LUZP2: variants seen among roughly 807,000 people sequenced by gnomAD.
The protein encoded by LUZP2 is leucine zipper protein 2.
Under a neutral mutation model 51.6 loss-of-function variants are expected in LUZP2, and 52 were observed. The observed-to-expected ratio is 1.01, with a 90% CI of 0.81 to 1.27. The LOEUF is 1.27. Ranked by LOEUF, LUZP2 falls within the 50% of genes most tolerant of loss-of-function variation. The pLI is 0.00. For synonymous variants in LUZP2, 154 were observed against 137.3 expected (o/e 1.12, Z -0.85); for missense variants, 436 against 395.4 (o/e 1.10, Z -0.87).
At chr11:24,997,726 TTTC>T (rs1346593893) in intron 9 of LUZP2, among the ~76,000 whole-genome samples, 12 of 152,106 alleles carry the variant, frequency 7.9e-5, no homozygotes, top group Admixed American at 2.6e-4. Flanking sequence ...ATGCCTAGGT[TTTC>T]TTCTAGGGTT....
At chr11:24,758,928 AAG>A (rs1859874544) in intron 4 of LUZP2, among the ~76,000 whole-genome samples, 2 of 152,110 alleles carry the variant, frequency 1.3e-5, no homozygotes, top group Non-Finnish European at 2.9e-5. Context: ...AATATGAAAA[AAG>A]ATGTATATCT....
At position 24,611,059 on chromosome 11, in the gene LUZP2, T is replaced by A. The variant is rs542061325; in HGVS notation, c.62+113754T>A. On this transcript the variant is annotated intron_variant, in intron 1 of 11. Coordinates refer to ENST00000336930, the MANE Select transcript of LUZP2 (RefSeq NM_001009909.4). This position sits in a 1 kb window ranked among gnomAD's most constrained non-coding sequence, Gnocchi z 4.6. Reference sequence around the variant, plus strand: ...TACCTTACATGACATAGCTTTGTTTTTTTTTATTTTTATTTTTTGTTTTGT... The same window carrying A: ...TACCTTACATGACATAGCTTTGTTTATTTTTATTTTTATTTTTTGTTTTGT... Among the ~76,000 whole-genome samples the A allele has an allele frequency of 2.0e-5, 3 of 152,238 alleles. No homozygotes were observed. The highest frequency in any genetic ancestry group is 1.9e-4 in the East Asian group (1 of 5,192).
chr11:24,640,293 T>C (rs1855236306), intron 1 of LUZP2, among the ~76,000 whole-genome samples: 1 of 151,942 alleles, frequency 6.6e-6, no homozygotes, highest in African/African-American at 2.4e-5. Context: ...TGGTCGTTAC[T>C]AACTATGTAA....
At chr11:24,603,453 A>G (rs1263301264) in intron 1 of LUZP2, among the ~76,000 whole-genome samples, 1 of 151,850 alleles carries the variant, frequency 6.6e-6, no homozygotes, top group Non-Finnish European at 1.5e-5. Context: ...CATCCAAGTG[A>G]GAACCAGAAA....
At chr11:24,619,008 ATTTATTTATTTAT>A (rs1412671654) in intron 1 of LUZP2, among the ~76,000 whole-genome samples, 11 of 76,872 alleles carry the variant, frequency 1.4e-4, no homozygotes, top group Middle Eastern at 5.6e-3. Flanking sequence ...ACTTAGCATT[ATTTATTTATTTAT>A]TTATTTATTT....
intron 10 of LUZP2, among the ~76,000 whole-genome samples, chr11:25,058,965 A>C (rs1445189210): frequency 6.6e-6 from 1 of 152,214 alleles, no homozygotes; most frequent in African/African-American, 2.4e-5. Context: ...GGTGTTTCTA[A>C]GTAGCATGGT....
At chr11:25,059,298 A>G (rs1378507947) in intron 10 of LUZP2, among the ~76,000 whole-genome samples, 1 of 152,198 alleles carries the variant, frequency 6.6e-6, no homozygotes, top group Non-Finnish European at 1.5e-5. Flanking sequence ...TTTGACAATG[A>G]ATTTCTGAAA....
Position 24,625,592 on chromosome 11 carries a change from A to G in LUZP2, c.63-103577A>G, listed in dbSNP as rs1314409979. The stretch of plus-strand genomic sequence containing the variant: ...ATTTAGAACATATTTAATAAATGTA[A>G]TGTTGTCAGGAAATTACAAAGTTCA... On this transcript the variant is annotated intron_variant, in intron 1 of 11. Coordinates refer to ENST00000336930, the MANE Select transcript of LUZP2 (RefSeq NM_001009909.4). Among the ~76,000 whole-genome samples the G allele has an allele frequency of 3.9e-5, 6 of 152,272 alleles. 1 individual carries two copies. The highest frequency in any genetic ancestry group is 3.9e-4 in the Admixed American group (6 of 15,282).
intron 10 of LUZP2, among the ~76,000 whole-genome samples, chr11:25,055,958 A>G (rs1322423388): frequency 1.3e-5 from 2 of 152,178 alleles, no homozygotes; most frequent in Non-Finnish European, 2.9e-5. Flanking sequence ...TAGCACAGCA[A>G]GCTCTCAATA....
chr11:24,733,751 ATT>A (rs138032093), intron 3 of LUZP2, among the ~76,000 whole-genome samples: 2 of 140,868 alleles, frequency 1.4e-5, no homozygotes, highest in African/African-American at 5.0e-5. Flanking sequence ...TTAAAAAAAA[ATT>A]TTAAAAAAAC....
intron 5 of LUZP2, among the ~76,000 whole-genome samples, chr11:24,845,949 T>C (rs1851185758): frequency 6.6e-6 from 1 of 152,078 alleles, no homozygotes; most frequent in African/African-American, 2.4e-5. Context: ...AAAATAGAAC[T>C]AGATAGGAAT....
intron 1 of LUZP2, among the ~76,000 whole-genome samples, chr11:24,578,906 A>T (rs187901150): frequency 1.3e-5 from 2 of 152,094 alleles, no homozygotes; most frequent in African/African-American, 4.8e-5. Flanking sequence ...ACCTGCACAT[A>T]TACCCCTGAA....
intron 5 of LUZP2, among the ~76,000 whole-genome samples, chr11:24,789,391 T>C (rs1849342110): frequency 6.6e-6 from 1 of 152,190 alleles, no homozygotes. Flanking sequence ...ATTACTTAAG[T>C]AATCCAAGAT....
intron 1 of LUZP2, among the ~76,000 whole-genome samples, chr11:24,501,938 G>T (rs1041993198): frequency 6.6e-6 from 1 of 152,154 alleles, no homozygotes; most frequent in African/African-American, 2.4e-5. Context: ...ATATTGAAAA[G>T]AAAAATATTT....
chr11:24,833,708 G>GTGCA (rs1554918518), intron 5 of LUZP2, among the ~76,000 whole-genome samples: 53 of 130,548 alleles, frequency 4.1e-4, no homozygotes, highest in Non-Finnish European at 7.4e-4. Flanking sequence ...GCCACCGCGC[G>GTGCA]CGCGCACACA....
At chr11:24,731,918 C>T (rs954250154) in intron 2 of LUZP2, among the ~76,000 whole-genome samples, 200 bp from the exon 3 acceptor site, 1 of 151,700 alleles carries the variant, frequency 6.6e-6, no homozygotes, top group African/African-American at 2.4e-5. Flanking sequence ...CAAGACTGCT[C>T]AATTCCTTTC....
intron 7 of LUZP2, among the ~76,000 whole-genome samples, chr11:24,926,667 A>ATGTGTGTGTGTATATATATATG (rs1854283723): frequency 6.8e-6 from 1 of 146,160 alleles, no homozygotes; most frequent in African/African-American, 2.5e-5. Context: ...GTATATATAT[A>ATGTGTGTGTGTATATATATATG]TGTGTGTGTG....
intron 5 of LUZP2, among the ~76,000 whole-genome samples, chr11:24,770,090 G>A (rs1486699495): frequency 6.6e-6 from 1 of 152,078 alleles, no homozygotes; most frequent in East Asian, 1.9e-4. Flanking sequence ...CACTGCACCA[G>A]GACACTAAAT....
intron 1 of LUZP2, among the ~76,000 whole-genome samples, chr11:24,509,995 A>G (rs537008292): frequency 1.3e-5 from 2 of 152,278 alleles, no homozygotes; most frequent in South Asian, 4.1e-4. Flanking sequence ...TAGTGTTTTA[A>G]TTTTAATTGT....
Sources: gnomAD v4.1 joint callset for allele counts (sites outside exome capture counted in the v4.1 genomes callset) on GRCh38, gnomAD v4.1.1 for gene constraint, Gnocchi (gnomAD v3.1) non-coding constraint, MANE v1.5 for transcripts, NCBI Gene and HGNC (gene_info 2026-07-23, HGNC 2026-07-21) for gene names.